Variants in RABGAP1L observed in about 807,000 individuals in gnomAD.
The protein encoded by RABGAP1L is RAB GTPase activating protein 1 like, also known as rab GTPase-activating protein 1-like.
RABGAP1L carries 63 observed loss-of-function variants against 137.7 expected under a neutral mutation model. The observed-to-expected ratio is 0.46, with a 90% confidence interval of 0.37 to 0.56. The LOEUF is 0.56. Ranked by LOEUF, RABGAP1L falls within the 20% of genes least tolerant of loss-of-function variation. The pLI, the probability that RABGAP1L is intolerant of heterozygous loss-of-function variation, is 0.00. For missense variants in RABGAP1L, 1,095 were observed against 1,244.0 expected (o/e 0.88, Z 1.80); for synonymous variants, 431 against 433.7 (o/e 0.99, Z 0.08).
At chr1:174,658,655 T>G (rs1162290649) in intron 14 of RABGAP1L, among the ~76,000 whole-genome samples, 1 of 152,122 alleles carries the variant, frequency 6.6e-6, no homozygotes, top group Non-Finnish European at 1.5e-5. Context: ...TCTCCATTCT[T>G]GGCCACCCAC....
intron 19 of RABGAP1L, among the ~76,000 whole-genome samples, chr1:174,927,439 A>T (rs76329658): frequency 0.012 from 1,777 of 152,260 alleles, 50 homozygotes; most frequent in African/African-American, 0.041. Flanking sequence ...TGCATTGCCC[A>T]GGCTGGTCTC....
intron 14 of RABGAP1L, among the ~76,000 whole-genome samples, chr1:174,661,369 G>A (rs1676357579): frequency 6.6e-6 from 1 of 152,044 alleles, no homozygotes; most frequent in African/African-American, 2.4e-5. Context: ...TACTAAAGGA[G>A]TAAGAAAACA....
In RABGAP1L at chr1:174,664,730, C is replaced by CTTTTTTTTTTTTTTTTTTTTTTTTTTT. The variant is rs747671420; in HGVS notation, c.1825-18789_1825-18788insTTTTTTTTTTTTTTTTTTTTTTTTTTT. 1.0e-4 allele frequency among the ~76,000 whole-genome samples: 10 copies of CTTTTTTTTTTTTTTTTTTTTTTTTTTT among 98,898 alleles called. 1 individual carries two copies. Among genetic ancestry groups the CTTTTTTTTTTTTTTTTTTTTTTTTTTT allele is most frequent in the Admixed American group, 4.1e-4 (4 of 9,820 alleles). The allele number at this position is 98,898 out of a possible 152,430, so 64.9% of individuals were successfully genotyped here. On this transcript the variant is annotated intron_variant, in intron 14 of 25. Transcript: ENST00000681986. ...CTCTCTCTTTCTTTCTTTCTTTCTG[C>CTTTTTTTTTTTTTTTTTTTTTTTTTTT]TTTCTTTTTTTTTTTTTTTTTTTTT... is the stretch of plus-strand genomic sequence containing the variant.
chr1:174,241,392 C>CTT (rs958284768), intron 4 of RABGAP1L, 91 bp from the exon 5 acceptor site: 2 of 839,080 alleles, frequency 2.4e-6, no homozygotes, highest in African/African-American at 1.8e-5. Flanking sequence ...ACTATTTGTT[C>CTT]TTTTTTTTTA....
chr1:174,897,202 G>A (rs1034015875), intron 19 of RABGAP1L: 2 of 152,142 alleles, frequency 1.3e-5, no homozygotes, highest in African/African-American at 4.8e-5. Flanking sequence ...TGAAGCAATT[G>A]TGAATGGGAG....
intron 20 of RABGAP1L, chr1:174,965,060 C>A: frequency 9.0e-7 from 1 of 1,114,402 alleles, no homozygotes; most frequent in Non-Finnish European, 1.3e-6. Context: ...TATCCTCCTC[C>A]CAAAAGTTAC....
At chr1:174,482,612 C>T (rs1659223342) in intron 13 of RABGAP1L, among the ~76,000 whole-genome samples, 1 of 152,150 alleles carries the variant, frequency 6.6e-6, no homozygotes, top group South Asian at 2.1e-4. Flanking sequence ...GCCTTAGCCT[C>T]TAATAGCTGG....
chr1:174,747,480 G>A (rs1683975499), intron 17 of RABGAP1L, among the ~76,000 whole-genome samples: 3 of 149,514 alleles, frequency 2.0e-5, no homozygotes, highest in Admixed American at 2.0e-4. Context: ...ATGTCTTAAA[G>A]TGTATTTGTT....
intron 18 of RABGAP1L, among the ~76,000 whole-genome samples, chr1:174,775,389 C>G (rs1185759193): frequency 2.0e-5 from 3 of 150,840 alleles, no homozygotes; most frequent in Non-Finnish European, 4.4e-5. Flanking sequence ...TCTCAGTTCA[C>G]TACAACCTCC....
intron 3 of RABGAP1L, among the ~76,000 whole-genome samples, chr1:174,224,043 A>T (rs1460207820): frequency 1.3e-5 from 2 of 152,240 alleles, no homozygotes; most frequent in Non-Finnish European, 2.9e-5. Flanking sequence ...TTGTACATAA[A>T]AATTATTTTT....
chr1:174,814,881 T>G (rs1424359945), intron 19 of RABGAP1L, among the ~76,000 whole-genome samples: 1 of 152,076 alleles, frequency 6.6e-6, no homozygotes, highest in East Asian at 1.9e-4. Context: ...AGAGACAGGG[T>G]TTCACCATGT....
intron 19 of RABGAP1L, among the ~76,000 whole-genome samples, chr1:174,816,456 T>A (rs1478717396): frequency 1.3e-5 from 2 of 152,104 alleles, no homozygotes; most frequent in East Asian, 1.9e-4. Context: ...TCGTAATATA[T>A]AGCTTTATTA....
intron 13 of RABGAP1L, among the ~76,000 whole-genome samples, chr1:174,409,992 G>T (rs994144779): frequency 1.3e-5 from 2 of 152,058 alleles, no homozygotes; most frequent in African/African-American, 2.4e-5. Flanking sequence ...ATCTTTATTG[G>T]CCTCAGAAGC....
At chr1:174,667,479 G>A (rs1676872735) in intron 14 of RABGAP1L, among the ~76,000 whole-genome samples, 1 of 152,148 alleles carries the variant, frequency 6.6e-6, no homozygotes, top group Admixed American at 6.5e-5. Flanking sequence ...AAACCTATTT[G>A]CATCTCATAG....
At chr1:174,967,025 CAAT>C (rs1669687379) in intron 20 of RABGAP1L, among the ~76,000 whole-genome samples, 1 of 151,994 alleles carries the variant, frequency 6.6e-6, no homozygotes, top group Non-Finnish European at 1.5e-5. Flanking sequence ...ACAAGGACAA[CAAT>C]AAAGAAAATT....
At chr1:174,531,675 G>A (rs916082895) in intron 13 of RABGAP1L, among the ~76,000 whole-genome samples, 5 of 146,378 alleles carry the variant, frequency 3.4e-5, no homozygotes, top group African/African-American at 1.2e-4. Flanking sequence ...TGAGGCTGTA[G>A]TGTGCTTTAA....
At chr1:174,318,580 T>TTTTCTTTCTTTCTTTTTC (rs1679622587) in intron 11 of RABGAP1L, among the ~76,000 whole-genome samples, 1 of 117,550 alleles carries the variant, frequency 8.5e-6, no homozygotes, top group East Asian at 2.6e-4. Context: ...TTGGTGATTG[T>TTTTCTTTCTTTCTTTTTC]TTTCTTTCTT....
intron 13 of RABGAP1L, among the ~76,000 whole-genome samples, chr1:174,491,020 G>T (rs1443810566): frequency 1.3e-5 from 2 of 152,092 alleles, no homozygotes; most frequent in African/African-American, 4.8e-5. Flanking sequence ...AAAAGCCAAG[G>T]CCTGGAATCG....
intron 14 of RABGAP1L, among the ~76,000 whole-genome samples, chr1:174,649,194 GTTTACAT>G (rs1465450772): frequency 6.6e-6 from 1 of 151,942 alleles, no homozygotes; most frequent in Non-Finnish European, 1.5e-5. Flanking sequence ...CATTTAGCCT[GTTTACAT>G]TTAAGGTTAA....
Sources: allele counts gnomAD v4.1 joint callset (sites outside exome capture counted in the v4.1 genomes callset), GRCh38; gene constraint gnomAD v4.1.1; transcripts MANE v1.5; gene names NCBI Gene and HGNC (gene_info 2026-07-23, HGNC 2026-07-21).